Variants in HSF5 observed in about 807,000 individuals in gnomAD.
The protein encoded by HSF5 is heat shock transcription factor 5.
HSF5 carries 5 observed loss-of-function variants against 50.8 expected under a neutral mutation model. The observed-to-expected ratio is 0.10, with a 90% CI of 0.05 to 0.21. The LOEUF (loss-of-function observed/expected upper bound fraction) is 0.21, where lower values mean the gene tolerates loss of function less well. Among genes scored for constraint, HSF5 ranks in the 10% least tolerant of loss-of-function variants. The probability of loss-of-function intolerance (pLI) is 1.00; values close to 1 mark genes in which losing one functional copy is unlikely to be tolerated. For missense variants in HSF5, 564 were observed against 762.6 expected, an observed-to-expected ratio of 0.74 and a Z score of 3.07; for synonymous variants, 307 against 307.4, an observed-to-expected ratio of 1.00 and a Z score of 0.02.
At position 58,480,088 on chromosome 17, in the gene HSF5, T is replaced by A; in HGVS notation, c.730A>T (p.Thr244Ser). The change falls in exon 2 of 6, where the codon ACA becomes TCA. Residue 244 changes from threonine (T) to serine (S), a missense_variant. This residue lies in a region of HSF5 where 441 missense variants were observed against 533.6 expected (regional missense o/e 0.83). Coordinates refer to ENST00000323777, the MANE Select transcript of HSF5 (RefSeq NM_001080439.3). ...CCTTTATCTGAAAATGTGGGAGATG[T>A]CTCCACTTGTCCAGGATGCATTCCA... Reference protein sequence around the residue: ...SLGMHPGQVETSPTFSDKGVP... With the variant: ...SLGMHPGQVESSPTFSDKGVP... 6.2e-7 allele frequency: 1 copy of A among 1,614,050 alleles called. No homozygotes were observed. The highest frequency in any genetic ancestry group is 8.5e-7 in the Non-Finnish European group (1 of 1,179,952).
chr17:58,486,902 CTTTTTTTTTTT>C (rs11351236), intron 1 of HSF5, among the ~76,000 whole-genome samples: 5 of 79,902 alleles, frequency 6.3e-5, no homozygotes, highest in East Asian at 3.9e-4. Context: ...TAAGTTCTCT[CTTTTTTTTTTT>C]TTTTTTTTTT....
chr17:58,476,977 G>T, intron 2 of HSF5: 1 of 614,158 alleles, frequency 1.6e-6, no homozygotes, highest in Non-Finnish European at 2.9e-6. Flanking sequence ...ACGGGGGCGG[G>T]GGAAGGGAAG....
Position 58,462,857 on chromosome 17 carries a change from C to T in HSF5, c.1467G>A (p.Lys489=). Residue 489 remains lysine (K), a synonymous_variant, in exon 4 of 6, where the codon AAG becomes AAA. Coordinates refer to ENST00000323777, the MANE Select transcript of HSF5 (RefSeq NM_001080439.3). ...GAGATGGATTATGATTTAGGTGCTC[C>T]TTCAGTTTGACATGAGCTTGCTGGA... is the stretch of plus-strand genomic sequence containing the variant. ...AAIQQAHVKL[K]EHLNHNPSPS... 1 of 1,614,034 alleles carries T rather than the reference C, an allele frequency of 6.2e-7. No homozygotes were observed. The highest frequency in any genetic ancestry group is 8.5e-7 in the Non-Finnish European group (1 of 1,179,980).
chr17:58,481,574 T>C (rs759653706), intron 1 of HSF5, among the ~76,000 whole-genome samples: 15 of 152,402 alleles, frequency 9.8e-5, no homozygotes, highest in Non-Finnish European at 2.2e-4. Context: ...AAACTTATTA[T>C]GTGCTACTCA....
intron 5 of HSF5, among the ~76,000 whole-genome samples, chr17:58,447,488 C>A (rs1413703349): frequency 6.6e-6 from 1 of 152,092 alleles, no homozygotes; most frequent in Non-Finnish European, 1.5e-5. Context: ...CATGGGAATA[C>A]CCATGTCACC....
chr17:58,461,237 A>G (rs919873015), intron 4 of HSF5, among the ~76,000 whole-genome samples: 1 of 151,242 alleles, frequency 6.6e-6, no homozygotes, highest in Non-Finnish European at 1.5e-5. Flanking sequence ...CAACAACAAC[A>G]ACAACAACAA....
In HSF5 at chr17:58,459,927, TCTA is replaced by T. The variant is rs1450149834; in HGVS notation, c.1543-985_1543-983del. On this transcript the variant is annotated intron_variant, in intron 4 of 5. Transcript: ENST00000323777. ...TTTCAGTGGGATGTGGATACTTTAT[TCTA>T]CTAATTTTGTATTCTTTCTCTTAAA... Among the ~76,000 whole-genome samples the T allele has an allele frequency of 5.9e-5, 9 of 152,364 alleles. No individual in the cohort carries two copies. In the East Asian group the frequency reaches 7.7e-4, roughly 13 times the overall value.
chr17:58,447,175 C>T (rs1393343365), intron 5 of HSF5, among the ~76,000 whole-genome samples: 2 of 152,104 alleles, frequency 1.3e-5, no homozygotes, highest in Non-Finnish European at 2.9e-5. Context: ...GAACCTAGTA[C>T]CAGCCCCACC....
At chr17:58,449,979 C>T (rs1480077162) in intron 5 of HSF5, among the ~76,000 whole-genome samples, 1 of 142,092 alleles carries the variant, frequency 7.0e-6, no homozygotes, top group African/African-American at 2.6e-5. Context: ...GCCGAGATCC[C>T]GCCACTGCAC....
rs569264715 is a variant in HSF5 at position 58,428,486 on chromosome 17, T to C, written c.1721-6056A>G. 7.5e-4 allele frequency among the ~76,000 whole-genome samples: 114 copies of C among 152,126 alleles called. 1 individual carries two copies. The highest frequency in any genetic ancestry group is 1.5e-3 in the Non-Finnish European group (99 of 67,974). On this transcript the variant is annotated intron_variant, in intron 5 of 5. Coordinates refer to ENST00000323777, the MANE Select transcript of HSF5 (RefSeq NM_001080439.3). Reference sequence around the variant, plus strand: ...CATCCTGGCTAACACAGTGAAACCCTGCCTCTACTAAAAGTACAAAAAATT... The same window carrying C: ...CATCCTGGCTAACACAGTGAAACCCCGCCTCTACTAAAAGTACAAAAAATT...
At chr17:58,452,766 T>C (rs984061239) in intron 5 of HSF5, among the ~76,000 whole-genome samples, 6 of 152,374 alleles carry the variant, frequency 3.9e-5, no homozygotes, top group African/African-American at 1.4e-4. Flanking sequence ...CACGCCACCC[T>C]CCAGGTGTGA....
intron 2 of HSF5, among the ~76,000 whole-genome samples, chr17:58,477,402 G>T (rs1441552548): frequency 6.6e-6 from 1 of 150,516 alleles, no homozygotes; most frequent in Non-Finnish European, 1.5e-5. Flanking sequence ...TTACAGGTGT[G>T]AGCCACCATG....
At chr17:58,439,424 C>T (rs924083799) in intron 5 of HSF5, among the ~76,000 whole-genome samples, 1 of 151,544 alleles carries the variant, frequency 6.6e-6, no homozygotes, top group African/African-American at 2.4e-5. Context: ...TATAAAAGAA[C>T]AGCAAGTTCC....
chr17:58,458,884 A>G lies in HSF5; in HGVS notation c.1604T>C (p.Met535Thr). The G allele has an allele frequency of 6.2e-7, 1 of 1,614,152 alleles. No individual in the cohort carries two copies. Among genetic ancestry groups the G allele is most frequent in the Non-Finnish European group, 8.5e-7 (1 of 1,180,008 alleles). The change falls in exon 5 of 6, where the codon ATG (methionine) becomes ACG (threonine). Residue 535 changes from methionine to threonine, a missense_variant. Met to Thr is a moderately conservative substitution (Grantham distance 81, BLOSUM62 -1). Transcript: ENST00000323777. The stretch of plus-strand genomic sequence containing the variant: ...CCCCATTTCTGAAATGAGGAATCCC[A>G]TCTGTTCTGACGGCAAGATATTCTC... ...SRENILPSEQ[M>T]GFLISEMGPA...
chr17:58,434,417 C>T (rs531525329), intron 5 of HSF5, among the ~76,000 whole-genome samples: 9 of 151,854 alleles, frequency 5.9e-5, no homozygotes, highest in South Asian at 2.1e-4. Context: ...GATGTGGCAG[C>T]GCGTGCCTGT....
rs182618435 is a variant in HSF5, at chr17:58,483,416, C to T, written c.551-3149G>A. 1.5e-4 allele frequency among the ~76,000 whole-genome samples: 23 copies of T among 152,268 alleles called. No homozygotes were observed. In the East Asian group the frequency reaches 2.9e-3, roughly 19 times the overall value. ...TTATTTATTCTTCTGTTAAGGGTTA[C>T]TTCATAGGGCTCAATTCAGATCAAC... On this transcript the variant is annotated intron_variant, in intron 1 of 5. Transcript: ENST00000323777.
At chr17:58,478,865 A>C (rs75379340) in intron 2 of HSF5, among the ~76,000 whole-genome samples, 1 of 38,630 alleles carries the variant, frequency 2.6e-5, no homozygotes, top group Non-Finnish European at 4.6e-5. Flanking sequence ...CTCCATCTCC[A>C]AAAAAAAAAA....
At chr17:58,457,508 A>G (rs1466575134) in intron 5 of HSF5, among the ~76,000 whole-genome samples, 2 of 151,680 alleles carry the variant, frequency 1.3e-5, no homozygotes, top group African/African-American at 2.4e-5. Flanking sequence ...CTGAGCCATG[A>G]GAATTGCTGG....
chr17:58,461,189 G>A lies in HSF5; in HGVS notation c.1542+1593C>T, dbSNP rs114678118. 5.2e-3 allele frequency among the ~76,000 whole-genome samples: 771 copies of A among 149,598 alleles called. 6 individuals carry two copies. The highest frequency in any genetic ancestry group is 0.017 in the African/African-American group (701 of 40,456). Reference sequence around the variant, plus strand: ...AGATTGCGCTACTGCACTCCAGCCCGAGCAACAGAGCGAGATTCCATCTCA... The same window carrying A: ...AGATTGCGCTACTGCACTCCAGCCCAAGCAACAGAGCGAGATTCCATCTCA... On this transcript the variant is annotated intron_variant, in intron 4 of 5. Transcript: ENST00000323777.
Sources: allele counts gnomAD v4.1 joint callset (sites outside exome capture counted in the v4.1 genomes callset), GRCh38; gene constraint gnomAD v4.1.1; regional missense constraint gnomAD v4.1.1; transcripts MANE v1.5; gene names NCBI Gene and HGNC (gene_info 2026-07-23, HGNC 2026-07-21).